Variants in SHLD2 observed in about 807,000 individuals in gnomAD.
The protein encoded by SHLD2 is shieldin complex subunit 2.
In SHLD2, 30 loss-of-function variants were observed where a neutral mutation model predicts 73.2. The observed-to-expected ratio is 0.41, with a 90% CI of 0.31 to 0.56. SHLD2 has a LOEUF of 0.56. Among genes scored for constraint, SHLD2 ranks in the 20% least tolerant of loss-of-function variants. The pLI, the probability that SHLD2 is intolerant of heterozygous loss-of-function variation, is 0.28. For missense variants in SHLD2, 745 were observed against 1,055.9 expected (o/e 0.71, Z 4.08); for synonymous variants, 285 against 370.1 (o/e 0.77, Z 2.64).
At chr10:87,150,748 A>C (rs1183417596) in intron 2 of SHLD2, among the ~76,000 whole-genome samples, 7 of 151,718 alleles carry the variant, frequency 4.6e-5, no homozygotes, top group African/African-American at 1.7e-4. Flanking sequence ...CAACAGAGCA[A>C]GACTCCATCT....
At chr10:87,180,437 A>T (rs1231811096) in intron 8 of SHLD2, 134 bp downstream of exon 8, 3 of 1,197,412 alleles carry the variant, frequency 2.5e-6, no homozygotes, top group South Asian at 3.1e-5. Context: ...CGAGTGATAG[A>T]TAGCTATTTA....
intron 8 of SHLD2, among the ~76,000 whole-genome samples, chr10:87,185,171 A>T (rs1384007514): frequency 1.3e-5 from 2 of 152,176 alleles, no homozygotes; most frequent in Non-Finnish European, 2.9e-5. Flanking sequence ...ATATTATATA[A>T]TATGTGATCT....
At chr10:87,186,329 A>G (rs1848617114) in intron 8 of SHLD2, among the ~76,000 whole-genome samples, 1 of 152,224 alleles carries the variant, frequency 6.6e-6, no homozygotes, top group African/African-American at 2.4e-5. Flanking sequence ...ATTTTTTAAA[A>G]ATCAATGTAG....
At position 87,180,204 on chromosome 10, in the gene SHLD2, G is replaced by C. The variant is rs1173700543; in HGVS notation, c.2300G>C (p.Gly767Ala). 1.2e-6 allele frequency: 2 copies of C among 1,611,866 alleles called. No homozygotes were observed. The highest frequency in any genetic ancestry group is 4.5e-5 in the East Asian group (2 of 44,842). ...TCTCTTCCCAACATCGTATATACTG[G>C]TTGTGCAAAATGTGGATTGGAACTA... ...FSSLPNIVYT[G>A]CAKCGLELET... Residue 767 changes from glycine to alanine, a missense_variant, in exon 8 of 10, where the codon GGT (glycine) becomes GCT (alanine). By Grantham distance (60) the Gly-to-Ala change is moderately conservative. Transcript: ENST00000298786.
In SHLD2 at chr10:87,191,004, A is replaced by G; in HGVS notation, c.*321A>G. ...GTCCCTGCTACATTCCAGGCATTGT[A>G]CTAAGTATGGGGAACCACAGAGAAG... On this transcript the variant is annotated 3_prime_UTR_variant, in exon 10 of 10. Coordinates refer to ENST00000298786, the MANE Select transcript of SHLD2 (RefSeq NM_001330112.2). The G allele has an allele frequency of 2.8e-6, 1 of 358,466 alleles. No individual in the cohort carries two copies. Among genetic ancestry groups the G allele is most frequent in the Non-Finnish European group, 5.2e-6 (1 of 192,850 alleles). 22.2% of individuals were successfully genotyped at this position (358,466 alleles called of 1,614,324 possible).
chr10:87,150,677 T>C (rs904614194), intron 2 of SHLD2, among the ~76,000 whole-genome samples: 4 of 151,484 alleles, frequency 2.6e-5, no homozygotes, highest in African/African-American at 9.7e-5. Context: ...GGAGAATTGG[T>C]TGAACCTGGG....
At chr10:87,150,296 C>G (rs1589571341) in intron 2 of SHLD2, among the ~76,000 whole-genome samples, 1 of 151,772 alleles carries the variant, frequency 6.6e-6, no homozygotes, top group East Asian at 2.0e-4. Context: ...AACTCCTGAC[C>G]TCAAGTGATC....
At chr10:87,102,461 A>C (rs1842329823) in intron 2 of SHLD2, among the ~76,000 whole-genome samples, 1 of 152,084 alleles carries the variant, frequency 6.6e-6, no homozygotes, top group Admixed American at 6.6e-5. Context: ...TAATCCTAGC[A>C]CTTTGGGAGG....
chr10:87,113,754 C>T (rs970310326), intron 2 of SHLD2, among the ~76,000 whole-genome samples: 3 of 149,598 alleles, frequency 2.0e-5, no homozygotes, highest in Non-Finnish European at 4.4e-5. Context: ...AGCCTGTAAT[C>T]CCAGGCTTTG....
chr10:87,131,598 T>A (rs1723376621), intron 2 of SHLD2, among the ~76,000 whole-genome samples: 1 of 152,204 alleles, frequency 6.6e-6, no homozygotes, highest in Admixed American at 6.5e-5. Context: ...ACATTTTGTT[T>A]ATCTGTTCAT....
intron 2 of SHLD2, among the ~76,000 whole-genome samples, chr10:87,143,135 T>C (rs991970587): frequency 6.6e-6 from 1 of 151,844 alleles, no homozygotes; most frequent in Non-Finnish European, 1.5e-5. Flanking sequence ...AGTCTTACCA[T>C]GTTGCCTAGG....
chr10:87,110,629 C>G (rs1186200228), intron 2 of SHLD2, among the ~76,000 whole-genome samples: 3 of 149,618 alleles, frequency 2.0e-5, no homozygotes, highest in Non-Finnish European at 4.4e-5. Flanking sequence ...AAAAAGCTCT[C>G]TTTTCTCTTA....
At chr10:87,170,802 G>C in intron 5 of SHLD2, 38 bp from the exon 6 acceptor site, 2 of 1,612,790 alleles carry the variant, frequency 1.2e-6, no homozygotes, top group South Asian at 2.2e-5. Flanking sequence ...ACGTGTGATA[G>C]AGTAATGCCA....
intron 2 of SHLD2, among the ~76,000 whole-genome samples, chr10:87,113,529 A>G (rs1256355224): frequency 6.6e-6 from 1 of 152,198 alleles, no homozygotes; most frequent in Non-Finnish European, 1.5e-5. Context: ...TAGAGATAGA[A>G]AAGAGATAAA....
intron 8 of SHLD2, among the ~76,000 whole-genome samples, chr10:87,185,667 C>T (rs533465128): frequency 6.6e-6 from 1 of 152,158 alleles, no homozygotes; most frequent in East Asian, 1.9e-4. Flanking sequence ...GATTTGCTCC[C>T]GTATTTTCTT....
chr10:87,185,814 GAA>G (rs1181707066), intron 8 of SHLD2, among the ~76,000 whole-genome samples: 2 of 152,110 alleles, frequency 1.3e-5, no homozygotes, highest in African/African-American at 4.8e-5. Flanking sequence ...GTGAATTTTT[GAA>G]AAGACTGTTC....
intron 2 of SHLD2, among the ~76,000 whole-genome samples, chr10:87,112,556 G>A (rs1842994941): frequency 6.6e-6 from 1 of 150,400 alleles, no homozygotes; most frequent in South Asian, 2.1e-4. Flanking sequence ...ATCTGCTTGA[G>A]CCTGTGCCGT....
chr10:87,157,658 T>C (rs1846528207), intron 3 of SHLD2, among the ~76,000 whole-genome samples: 2 of 152,210 alleles, frequency 1.3e-5, no homozygotes, highest in African/African-American at 2.4e-5. Context: ...GACCAGTGCA[T>C]ACTGAATATT....
chr10:87,094,647 C>T (rs112553328), upstream of SHLD2: 1 of 1,603,304 alleles, frequency 6.2e-7, no homozygotes, highest in South Asian at 1.1e-5. This position sits in a 1 kb window ranked among gnomAD's most constrained non-coding sequence, Gnocchi z 6.6. Context: ...GCCCCGGCTG[C>T]GGGGCGGCGG....
Sources: allele counts gnomAD v4.1 joint callset (sites outside exome capture counted in the v4.1 genomes callset), GRCh38; gene constraint gnomAD v4.1.1; non-coding constraint Gnocchi (gnomAD v3.1); transcripts MANE v1.5; gene names NCBI Gene and HGNC (gene_info 2026-07-23, HGNC 2026-07-21).